Variants in GALNT10 observed in about 807,000 individuals in gnomAD.
The protein encoded by GALNT10 is GalNAc transferase 10.
GALNT10 carries 41 observed loss-of-function variants against 75.0 expected under a neutral mutation model. The ratio of observed to expected loss-of-function variants is 0.55; its 90% CI spans 0.43 to 0.71. The LOEUF (loss-of-function observed/expected upper bound fraction) is 0.71, where lower values mean the gene tolerates loss of function less well. Among genes scored for constraint, GALNT10 ranks in the 30% least tolerant of loss-of-function variants. The pLI is 0.00. For missense variants in GALNT10, 727 were observed against 818.5 expected, an observed-to-expected ratio of 0.89 and a Z score of 1.36; for synonymous variants, 302 against 313.0, an observed-to-expected ratio of 0.96 and a Z score of 0.37.
intron 1 of GALNT10, among the ~76,000 whole-genome samples, chr5:154,199,496 G>A (rs1774992364): frequency 6.6e-6 from 1 of 152,226 alleles, no homozygotes; most frequent in Non-Finnish European, 1.5e-5. Flanking sequence ...TGTATCTGAT[G>A]CAAGCAGATC....
intron 7 of GALNT10, among the ~76,000 whole-genome samples, chr5:154,390,429 A>G (rs1755876385): frequency 6.6e-6 from 1 of 152,252 alleles, no homozygotes. Context: ...AATTTTTCAC[A>G]TACTAAATCT....
intron 1 of GALNT10, among the ~76,000 whole-genome samples, chr5:154,208,594 G>A (rs1288745327): frequency 6.6e-6 from 1 of 152,110 alleles, no homozygotes; most frequent in Non-Finnish European, 1.5e-5. Context: ...ATAGTGCCCG[G>A]CATTTAAAAA....
intron 3 of GALNT10, among the ~76,000 whole-genome samples, chr5:154,308,514 C>T (rs1754466786): frequency 6.6e-6 from 1 of 152,192 alleles, no homozygotes; most frequent in South Asian, 2.1e-4. Flanking sequence ...TCCTGCCCCA[C>T]GTGGCATCAC....
intron 4 of GALNT10, among the ~76,000 whole-genome samples, chr5:154,363,898 T>G (rs905458064): frequency 6.6e-6 from 1 of 152,164 alleles, no homozygotes; most frequent in African/African-American, 2.4e-5. Context: ...ATGGATTTTA[T>G]AAAATAAAAG....
intron 1 of GALNT10, among the ~76,000 whole-genome samples, chr5:154,226,949 T>TAAA (rs35176270): frequency 6.9e-6 from 1 of 145,780 alleles, no homozygotes. Flanking sequence ...ATGTACTCTT[T>TAAA]AAAAAAAAAA....
rs1242331074 is a variant in GALNT10, at chr5:154,266,333, AG to A, written c.160-28481del. Among the ~76,000 whole-genome samples, 5 of 152,282 alleles carry A rather than the reference AG, an allele frequency of 3.3e-5. No homozygotes were observed. In the East Asian group the frequency reaches 9.6e-4, roughly 29 times the overall value. On this transcript the variant is annotated intron_variant, in intron 1 of 11. Coordinates refer to ENST00000297107, the MANE Select transcript of GALNT10 (RefSeq NM_198321.4). ...ACATGCATTGAAACAAGATAAATAA[AG>A]GAACTACAAAATTCTTAACAGTGAT...
intron 1 of GALNT10, among the ~76,000 whole-genome samples, chr5:154,293,438 G>A (rs1365220474): frequency 6.6e-6 from 1 of 152,020 alleles, no homozygotes; most frequent in African/African-American, 2.4e-5. Flanking sequence ...GCTTGAGAAA[G>A]TATCAGGTTC....
intron 4 of GALNT10, among the ~76,000 whole-genome samples, chr5:154,330,479 T>A (rs1212639723): frequency 6.6e-6 from 1 of 152,202 alleles, no homozygotes; most frequent in Non-Finnish European, 1.5e-5. Flanking sequence ...TGACTTACCC[T>A]TGGTCACACA....
At chr5:154,291,299 A>G (rs1294195657) in intron 1 of GALNT10, among the ~76,000 whole-genome samples, 1 of 151,860 alleles carries the variant, frequency 6.6e-6, no homozygotes, top group Non-Finnish European at 1.5e-5. Context: ...GGAATCTTAG[A>G]CTCTTGAAGG....
chr5:154,261,916 C>T (rs940491344), intron 1 of GALNT10, among the ~76,000 whole-genome samples: 2 of 152,086 alleles, frequency 1.3e-5, no homozygotes, highest in African/African-American at 4.8e-5. Flanking sequence ...GATCTGTGAG[C>T]CTTCCTCTGC....
At chr5:154,286,624 G>A (rs1365561114) in intron 1 of GALNT10, among the ~76,000 whole-genome samples, 3 of 152,124 alleles carry the variant, frequency 2.0e-5, no homozygotes, top group Admixed American at 1.3e-4. Context: ...CCAAACAAAG[G>A]AATTGGAGGG....
At chr5:154,319,625 C>A (rs1055574359) in intron 3 of GALNT10, among the ~76,000 whole-genome samples, 1 of 152,236 alleles carries the variant, frequency 6.6e-6, no homozygotes, top group Non-Finnish European at 1.5e-5. Context: ...AGCCATGAGG[C>A]AGCAGAGGTT....
At chr5:154,230,164 A>G (rs79182124) in intron 1 of GALNT10, among the ~76,000 whole-genome samples, 2,749 of 152,270 alleles carry the variant, frequency 0.018, 62 homozygotes, top group African/African-American at 0.062. Context: ...TTTAAATACT[A>G]TAATCCTGTG....
chr5:154,361,900 T>C (rs1343432789), intron 4 of GALNT10, among the ~76,000 whole-genome samples: 2 of 152,160 alleles, frequency 1.3e-5, no homozygotes, highest in Non-Finnish European at 2.9e-5. Flanking sequence ...TCAAATGGAA[T>C]AGGTACTGAG....
At chr5:154,355,058 A>C (rs547927070) in intron 4 of GALNT10, among the ~76,000 whole-genome samples, 1 of 152,328 alleles carries the variant, frequency 6.6e-6, no homozygotes, top group African/African-American at 2.4e-5. Flanking sequence ...TAGATGTAGA[A>C]TGCCCCTTTG....
chr5:154,310,337 G>A (rs762838062), intron 3 of GALNT10, among the ~76,000 whole-genome samples: 3 of 152,132 alleles, frequency 2.0e-5, no homozygotes, highest in Admixed American at 6.5e-5. Flanking sequence ...GGTTGTTAGC[G>A]AGGCTGTTGT....
chr5:154,368,289 T>C (rs1449102013), intron 4 of GALNT10, among the ~76,000 whole-genome samples: 1 of 152,228 alleles, frequency 6.6e-6, no homozygotes, highest in African/African-American at 2.4e-5. Flanking sequence ...AAATGCTTTC[T>C]TGATTAAACT....
intron 1 of GALNT10, among the ~76,000 whole-genome samples, chr5:154,258,752 G>A (rs1330603967): frequency 6.6e-6 from 1 of 152,088 alleles, no homozygotes; most frequent in Non-Finnish European, 1.5e-5. Context: ...GGCTATTCAT[G>A]ACTATTTGAA....
At chr5:154,228,149 C>T (rs1298841945) in intron 1 of GALNT10, among the ~76,000 whole-genome samples, 1 of 152,216 alleles carries the variant, frequency 6.6e-6, no homozygotes, top group Non-Finnish European at 1.5e-5. Context: ...TGGCACCATG[C>T]TTCCTGTAAA....
Sources: gnomAD v4.1 joint callset for allele counts (sites outside exome capture counted in the v4.1 genomes callset) on GRCh38, gnomAD v4.1.1 for gene constraint, MANE v1.5 for transcripts, NCBI Gene and HGNC (gene_info 2026-07-23, HGNC 2026-07-21) for gene names.